Variants in NINJ2 observed in about 807,000 individuals in gnomAD.
NINJ2 encodes the protein ninjurin 2.
NINJ2 carries 12 observed loss-of-function variants against 11.7 expected under a neutral mutation model. That is an observed-to-expected ratio of 1.02 (90% CI 0.66 to 1.66). NINJ2 has a LOEUF of 1.66. Among genes scored for constraint, NINJ2 ranks in the 40% most tolerant of loss-of-function variants. NINJ2 has a pLI of 0.00. For missense variants in NINJ2, 187 were observed against 181.8 expected, an observed-to-expected ratio of 1.03 and a Z score of -0.16; for synonymous variants, 93 against 76.8, an observed-to-expected ratio of 1.21 and a Z score of -1.10.
intron 1 of NINJ2, among the ~76,000 whole-genome samples, chr12:630,282 G>A (rs1948263235): frequency 6.6e-6 from 1 of 152,160 alleles, no homozygotes; most frequent in Non-Finnish European, 1.5e-5. Flanking sequence ...CTCTTCAGTT[G>A]TAATTATAGC....
chr12:651,694 C>A (rs1042063337), intron 1 of NINJ2, among the ~76,000 whole-genome samples: 1 of 152,112 alleles, frequency 6.6e-6, no homozygotes, highest in Non-Finnish European at 1.5e-5. Flanking sequence ...GGGGTGCTAA[C>A]GAATAAAGCA....
At position 650,190 on chromosome 12, in the gene NINJ2, T is replaced by C. The variant is rs202035924; in HGVS notation, c.33+13138A>G. On this transcript the variant is annotated intron_variant, in intron 1 of 3. Coordinates refer to ENST00000305108, the MANE Select transcript of NINJ2 (RefSeq NM_016533.6). ...ACCTCTGCCTCCCAGGTTCAAGCGA[T>C]TCTCATGCCTCAGCCTCCTGAGTAG... Among the ~76,000 whole-genome samples the C allele has an allele frequency of 1.9e-4, 29 of 151,938 alleles. No homozygotes were observed. In the East Asian group the frequency reaches 5.5e-3, roughly 29 times the overall value.
intron 1 of NINJ2, among the ~76,000 whole-genome samples, chr12:567,373 A>G (rs1027355690): frequency 2.0e-5 from 3 of 149,466 alleles, no homozygotes; most frequent in Non-Finnish European, 4.4e-5. Context: ...ACAGTGATGC[A>G]TACCAGTTAA....
At chr12:567,684 A>G (rs1341739139) in intron 1 of NINJ2, among the ~76,000 whole-genome samples, 4 of 152,156 alleles carry the variant, frequency 2.6e-5, no homozygotes, top group Non-Finnish European at 5.9e-5. Context: ...ATCTATCAGA[A>G]CCTTTGGATT....
chr12:588,825 T>G (rs992167580), intron 1 of NINJ2, among the ~76,000 whole-genome samples: 1 of 152,200 alleles, frequency 6.6e-6, no homozygotes, highest in Admixed American at 6.5e-5. Context: ...ATAGATATGA[T>G]AGCCTACATG....
In NINJ2 at chr12:624,934, C is replaced by A. The variant is rs549929688; in HGVS notation, c.33+38394G>T. Among the ~76,000 whole-genome samples the A allele has an allele frequency of 9.0e-4, 136 of 151,652 alleles. 2 individuals are homozygous for A. The highest frequency in any genetic ancestry group is 3.0e-3 in the African/African-American group (125 of 41,360). On this transcript the variant is annotated intron_variant, in intron 1 of 3. Coordinates refer to ENST00000305108, the MANE Select transcript of NINJ2 (RefSeq NM_016533.6). ...GACCAGCCTGGCCAACATGGTGAAA[C>A]CCCGTCTTTACTAAAAATACAAATA...
chr12:589,254 A>T (rs1947685739), intron 1 of NINJ2, among the ~76,000 whole-genome samples: 1 of 152,246 alleles, frequency 6.6e-6, no homozygotes, highest in Non-Finnish European at 1.5e-5. Flanking sequence ...AAAACAATGG[A>T]CAAAATGAAA....
At chr12:600,092 G>C (rs569123486) in intron 1 of NINJ2, among the ~76,000 whole-genome samples, 5 of 152,312 alleles carry the variant, frequency 3.3e-5, no homozygotes, top group African/African-American at 1.2e-4. Context: ...TGAGCCACTG[G>C]GGGGTCTTGG....
At chr12:588,563 T>A (rs1353526284) in intron 1 of NINJ2, among the ~76,000 whole-genome samples, 1 of 152,192 alleles carries the variant, frequency 6.6e-6, no homozygotes, top group Non-Finnish European at 1.5e-5. Flanking sequence ...GTTAAGTAAC[T>A]AAACTATGGT....
chr12:615,332 T>C (rs1948079139), intron 1 of NINJ2, among the ~76,000 whole-genome samples: 1 of 152,200 alleles, frequency 6.6e-6, no homozygotes, highest in African/African-American at 2.4e-5. Flanking sequence ...CTCATGCCTG[T>C]AATCCCAGCA....
chr12:661,256 A>G (rs1181507018), intron 1 of NINJ2, among the ~76,000 whole-genome samples: 3 of 152,004 alleles, frequency 2.0e-5, no homozygotes, highest in Non-Finnish European at 1.5e-5. Flanking sequence ...TTACTTTTAA[A>G]TTTTTAATAG....
intron 1 of NINJ2, among the ~76,000 whole-genome samples, chr12:612,604 G>T (rs1333945358): frequency 6.6e-6 from 1 of 152,148 alleles, no homozygotes; most frequent in Non-Finnish European, 1.5e-5. Context: ...GAGCTGTCTG[G>T]GTTGGTAGGG....
intron 1 of NINJ2, among the ~76,000 whole-genome samples, chr12:594,711 C>T (rs192349207): frequency 1.3e-5 from 2 of 152,234 alleles, no homozygotes; most frequent in East Asian, 3.9e-4. Context: ...ATTCTATGTT[C>T]ATGAATAGAA....
intron 1 of NINJ2, among the ~76,000 whole-genome samples, chr12:610,885 C>G (rs957748852): frequency 4.6e-5 from 7 of 152,178 alleles, no homozygotes; most frequent in South Asian, 4.2e-4. Flanking sequence ...AGGCACCCAC[C>G]ACCATACCTG....
intron 1 of NINJ2, among the ~76,000 whole-genome samples, chr12:657,204 G>T (rs1265125603): frequency 6.6e-6 from 1 of 152,182 alleles, no homozygotes; most frequent in Non-Finnish European, 1.5e-5. Flanking sequence ...AACAGAATAA[G>T]ACAAGCCACA....
At position 585,043 on chromosome 12, in the gene NINJ2, G is replaced by T. The variant is rs536255210; in HGVS notation, c.34-18865C>A. 1.3e-5 allele frequency among the ~76,000 whole-genome samples: 2 copies of T among 152,064 alleles called. No homozygotes were observed. Among genetic ancestry groups the T allele is most frequent in the Non-Finnish European group, 2.9e-5 (2 of 67,982 alleles). Reference sequence around the variant, plus strand: ...CTGAGGCAGGAGAATCACTTGAACCGGGGAGGCGGAGGTTGAAGTGGGCTG... The same window carrying T: ...CTGAGGCAGGAGAATCACTTGAACCTGGGAGGCGGAGGTTGAAGTGGGCTG... On this transcript the variant is annotated intron_variant, in intron 1 of 3. Transcript: ENST00000305108. This position sits in a 1 kb window ranked among gnomAD's most constrained non-coding sequence, Gnocchi z 4.1.
chr12:635,751 A>G (rs1948344123), intron 1 of NINJ2, among the ~76,000 whole-genome samples: 1 of 152,256 alleles, frequency 6.6e-6, no homozygotes, highest in African/African-American at 2.4e-5. Flanking sequence ...ATCAAAATAC[A>G]GAACTTGCGC....
At position 611,491 on chromosome 12, in the gene NINJ2, C is replaced by G. The variant is rs144314867; in HGVS notation, c.34-45313G>C. Among the ~76,000 whole-genome samples the G allele has an allele frequency of 1.9e-3, 284 of 152,276 alleles. 1 individual carries two copies. Among genetic ancestry groups the G allele is most frequent in the African/African-American group, 6.6e-3 (274 of 41,546 alleles). On this transcript the variant is annotated intron_variant, in intron 1 of 3. Transcript: ENST00000305108. ...TAGCTCAGATTGCAAGGGCACACCACCACACCCAGCTAATTTTTGTATTTT... is the reference window on the plus strand; with the variant it reads ...TAGCTCAGATTGCAAGGGCACACCAGCACACCCAGCTAATTTTTGTATTTT...
chr12:627,949 A>T (rs975326208), intron 1 of NINJ2, among the ~76,000 whole-genome samples: 2 of 152,192 alleles, frequency 1.3e-5, no homozygotes, highest in African/African-American at 4.8e-5. Flanking sequence ...AGAAAAAAAA[A>T]GTCTCAATCA....
Sources: gnomAD v4.1 joint callset for allele counts (sites outside exome capture counted in the v4.1 genomes callset) on GRCh38, gnomAD v4.1.1 for gene constraint, Gnocchi (gnomAD v3.1) non-coding constraint, MANE v1.5 for transcripts, NCBI Gene and HGNC (gene_info 2026-07-23, HGNC 2026-07-21) for gene names.